ERG28: variants seen among roughly 807,000 people sequenced by gnomAD.
The protein encoded by ERG28 is ergosterol biosynthesis 28 homolog.
Under a neutral mutation model 15.7 loss-of-function variants are expected in ERG28, and 9 were observed. That is an observed-to-expected ratio of 0.57 (90% CI 0.35 to 1.00). ERG28 has a LOEUF of 1.00. Among genes scored for constraint, ERG28 ranks in the 50% least tolerant of loss-of-function variants. The pLI is 0.02. For missense variants in ERG28, 117 were observed against 173.3 expected (o/e 0.68, Z 1.82); for synonymous variants, 61 against 68.4 (o/e 0.89, Z 0.53).
Position 75,651,436 on chromosome 14 carries a change from C to A in ERG28, c.*119G>T. ...AAATTTTAAAAATTAAAAAAAGAGG[C>A]TAAAAGTGAATAAAAGGGCAGATGA... On this transcript the variant is annotated 3_prime_UTR_variant, in exon 5 of 5. Coordinates refer to ENST00000256319, the MANE Select transcript of ERG28 (RefSeq NM_007176.4). The A allele has an allele frequency of 1.0e-6, 1 of 991,412 alleles. No homozygotes were observed. Among genetic ancestry groups the A allele is most frequent in the South Asian group, 1.7e-5 (1 of 60,194 alleles). The allele number at this position is 991,412 out of a possible 1,614,324, so 61.4% of individuals were successfully genotyped here. A position where few individuals can be genotyped will look rare whatever the true frequency, so the allele number is the denominator to read the frequency against.
rs1302242055 is a variant in ERG28 at position 75,660,829 on chromosome 14, A to C, written c.-86T>G. On this transcript the variant is annotated 5_prime_UTR_variant, in exon 1 of 5. Coordinates refer to ENST00000256319, the MANE Select transcript of ERG28 (RefSeq NM_007176.4). ...GCAGCAGCAGCCGCTGCCGCAAACAAGCTCCCCCAGGACAGCTCCAGCCCG... is the reference window on the plus strand; with the variant it reads ...GCAGCAGCAGCCGCTGCCGCAAACACGCTCCCCCAGGACAGCTCCAGCCCG... The C allele has an allele frequency of 6.5e-6, 1 of 152,952 alleles. No homozygotes were observed. The highest frequency in any genetic ancestry group is 1.9e-4 in the East Asian group (1 of 5,192). The allele number at this position is 152,952 out of a possible 1,614,324, so 9.5% of individuals were successfully genotyped here. A position where few individuals can be genotyped will look rare whatever the true frequency, so the allele number is the denominator to read the frequency against.
intron 1 of ERG28, among the ~76,000 whole-genome samples, chr14:75,659,774 A>AC (rs1440112061): frequency 6.6e-6 from 1 of 151,928 alleles, no homozygotes; most frequent in African/African-American, 2.4e-5. Flanking sequence ...TTTCTTTGTC[A>AC]CTTTGGCAAT....
In ERG28 at chr14:75,651,584, G is replaced by C. The variant is rs764778066; in HGVS notation, c.394C>G (p.Pro132Ala). 1 of 1,613,518 alleles carries C rather than the reference G, an allele frequency of 6.2e-7. No individual in the cohort carries two copies. Among genetic ancestry groups the C allele is most frequent in the South Asian group, 1.1e-5 (1 of 91,064 alleles). ...TTTCTCTTCTTCTGTCTGGATACTG[G>C]TTCTACTTCTAGATACCGGAGCCCG... ...LVGLRYLEVE[P>A]VSRQKKRN The change falls in exon 5 of 5, where the codon CCA (proline) becomes GCA (alanine). Residue 132 changes from proline (P) to alanine (A), a missense_variant. Coordinates refer to ENST00000256319, the MANE Select transcript of ERG28 (RefSeq NM_007176.4).
At chr14:75,652,558 A>T (rs2140062971) in intron 3 of ERG28, among the ~76,000 whole-genome samples, 1 of 152,354 alleles carries the variant, frequency 6.6e-6, no homozygotes, top group South Asian at 2.1e-4. Flanking sequence ...TTAGTATAAA[A>T]TTTTTTAAAA....
chr14:75,657,470 C>A lies in ERG28; in HGVS notation c.33G>T (p.Trp11Cys). ...TGGCTATGATGGACACCATAACCAG[C>A]CAACTTCTTAACACATTCAGGAAAC... MSRFLNVLRSWLVMVSIIAMG... is the reference protein window; with the variant it reads MSRFLNVLRSCLVMVSIIAMG... The change falls in exon 2 of 5, where the codon TGG becomes TGT. Residue 11 changes from tryptophan to cysteine, a missense_variant. Transcript: ENST00000256319. 1 of 1,614,072 alleles carries A rather than the reference C, an allele frequency of 6.2e-7. No individual in the cohort carries two copies. The highest frequency in any genetic ancestry group is 8.5e-7 in the Non-Finnish European group (1 of 1,179,978).
At chr14:75,655,577 T>C (rs1352260613) in intron 2 of ERG28, among the ~76,000 whole-genome samples, 1 of 152,238 alleles carries the variant, frequency 6.6e-6, no homozygotes, top group Non-Finnish European at 1.5e-5. Flanking sequence ...CATCCTGCTG[T>C]TGGTAGCTTT....
At position 75,651,981 on chromosome 14, in the gene ERG28, C is replaced by G. The variant is rs1448581889; in HGVS notation, c.225-92G>C. On this transcript the variant is annotated intron_variant, in intron 3 of 4. Transcript: ENST00000256319. Reference sequence around the variant, plus strand: ...GACTTCATACAGACAAATAAGAACCCAGGATGTCATTAAGACTTAAAAGAA... The same window carrying G: ...GACTTCATACAGACAAATAAGAACCGAGGATGTCATTAAGACTTAAAAGAA... The G allele has an allele frequency of 7.1e-6, 8 of 1,128,386 alleles. No homozygotes were observed. In the East Asian group the frequency reaches 1.9e-4, roughly 27 times the overall value. 69.9% of individuals were successfully genotyped at this position (1,128,386 alleles called of 1,614,324 possible).
chr14:75,651,589 A>G lies in ERG28; in HGVS notation c.389T>C (p.Val130Ala). The change falls in exon 5 of 5, where the codon GTA (valine) becomes GCA (alanine). Residue 130 changes from valine (V) to alanine (A), a missense_variant. Coordinates refer to ENST00000256319, the MANE Select transcript of ERG28 (RefSeq NM_007176.4). ...GMLVGLRYLE[V>A]EPVSRQKKRN The stretch of plus-strand genomic sequence containing the variant: ...CTTCTTCTGTCTGGATACTGGTTCT[A>G]CTTCTAGATACCGGAGCCCGACCAG... 3 of 1,613,580 alleles carry G rather than the reference A, an allele frequency of 1.9e-6. No individual in the cohort carries two copies. Among genetic ancestry groups the G allele is most frequent in the Non-Finnish European group, 2.5e-6 (3 of 1,179,514 alleles).
intron 2 of ERG28, among the ~76,000 whole-genome samples, chr14:75,655,232 C>T (rs146110609): frequency 6.6e-6 from 1 of 152,226 alleles, no homozygotes; most frequent in Non-Finnish European, 1.5e-5. Flanking sequence ...CACAAAGAGC[C>T]CAGTTAGGCA....
intron 3 of ERG28, among the ~76,000 whole-genome samples, chr14:75,653,788 A>C (rs905354996): frequency 2.0e-5 from 3 of 152,078 alleles, no homozygotes; most frequent in African/African-American, 7.2e-5. Context: ...ATCTATTCTC[A>C]TTTTATGGAT....
chr14:75,657,628 A>T, intron 1 of ERG28, 95 bp from the exon 2 acceptor site: 1 of 1,133,916 alleles, frequency 8.8e-7, no homozygotes, highest in Non-Finnish European at 1.3e-6. Flanking sequence ...CCAAAAAAAG[A>T]AATTCAGTCA....
chr14:75,660,412 C>T (rs1890671626), intron 1 of ERG28, among the ~76,000 whole-genome samples: 1 of 152,144 alleles, frequency 6.6e-6, no homozygotes, highest in Non-Finnish European at 1.5e-5. Flanking sequence ...AGCTGTGTGA[C>T]CCTGGGTAAG....
intron 2 of ERG28, among the ~76,000 whole-genome samples, chr14:75,655,261 T>C (rs1367979248): frequency 1.3e-5 from 2 of 152,200 alleles, no homozygotes; most frequent in Admixed American, 6.5e-5. Context: ...CTAGATATAG[T>C]AATTTACCCC....
At position 75,651,394 on chromosome 14, in the gene ERG28, T is replaced by C. The variant is rs1890524039; in HGVS notation, c.*161A>G. 3 of 616,946 alleles carry C rather than the reference T, an allele frequency of 4.9e-6. No homozygotes were observed. Among genetic ancestry groups the C allele is most frequent in the Non-Finnish European group, 8.4e-6 (3 of 357,084 alleles). 38.2% of individuals were successfully genotyped at this position (616,946 alleles called of 1,614,324 possible). ...ATTGTACGTACATGTTATATACTTT[T>C]CAGTATGCATATCTTTAAATTTTAA... On this transcript the variant is annotated 3_prime_UTR_variant, in exon 5 of 5. Transcript: ENST00000256319.
At chr14:75,654,286 A>T (rs924207249) in intron 3 of ERG28, among the ~76,000 whole-genome samples, 1 of 152,300 alleles carries the variant, frequency 6.6e-6, no homozygotes, top group South Asian at 2.1e-4. Context: ...CTAGAGTGTG[A>T]TGATGACTCC....
rs549077022 is a variant in ERG28, at chr14:75,656,333, T to C, written c.133+1037A>G. On this transcript the variant is annotated intron_variant, in intron 2 of 4. Transcript: ENST00000256319. ...ACACACACACACACACATAAAGTTCTGCTCAGCTATATGCCTTTAAGTCAC... is the reference window on the plus strand; with the variant it reads ...ACACACACACACACACATAAAGTTCCGCTCAGCTATATGCCTTTAAGTCAC... Among the ~76,000 whole-genome samples the C allele has an allele frequency of 2.0e-5, 3 of 148,180 alleles. No individual in the cohort carries two copies. In the South Asian group the frequency reaches 6.4e-4, roughly 32 times the overall value.
At chr14:75,659,466 T>A (rs1005943885) in intron 1 of ERG28, among the ~76,000 whole-genome samples, 10 of 152,012 alleles carry the variant, frequency 6.6e-5, no homozygotes, top group African/African-American at 2.4e-4. Flanking sequence ...TAAGTGATCC[T>A]CCTACCTCAA....
intron 2 of ERG28, among the ~76,000 whole-genome samples, chr14:75,656,874 G>T (rs1890604676): frequency 6.6e-6 from 1 of 152,122 alleles, no homozygotes; most frequent in African/African-American, 2.4e-5. Flanking sequence ...TCTGTAACAT[G>T]GAATATGAGT....
chr14:75,657,918 T>C (rs1451240574), intron 1 of ERG28, among the ~76,000 whole-genome samples: 1 of 152,196 alleles, frequency 6.6e-6, no homozygotes, highest in Admixed American at 6.5e-5. Context: ...GTAGGACTTA[T>C]GGTGTGAGGT....
Sources: gnomAD v4.1 joint callset for allele counts (sites outside exome capture counted in the v4.1 genomes callset) on GRCh38, gnomAD v4.1.1 for gene constraint, MANE v1.5 for transcripts, NCBI Gene and HGNC (gene_info 2026-07-23, HGNC 2026-07-21) for gene names.